Variants in CPO observed in about 807,000 individuals in gnomAD.
CPO encodes metallocarboxypeptidase C.
In CPO, 43 loss-of-function variants were observed where a neutral mutation model predicts 41.2. The observed-to-expected ratio is 1.04, with a 90% CI of 0.82 to 1.35. The LOEUF is 1.35. Among genes scored for constraint, CPO ranks in the 40% most tolerant of loss-of-function variants. The pLI, the probability that CPO is intolerant of heterozygous loss-of-function variation, is 0.00. For synonymous variants in CPO, 178 were observed against 162.7 expected, an observed-to-expected ratio of 1.09 and a Z score of -0.72; for missense variants, 408 against 451.7, an observed-to-expected ratio of 0.90 and a Z score of 0.88.
intron 1 of CPO, 44 bp from the exon 2 acceptor site, chr2:206,949,573 C>A: frequency 1.4e-6 from 2 of 1,417,724 alleles, no homozygotes; most frequent in South Asian, 1.2e-5. Flanking sequence ...TCAGGATATC[C>A]CAGTTTCACC....
Position 206,969,453 on chromosome 2 carries a change from C to G in CPO, c.*17C>G, listed in dbSNP as rs751328465. Reference sequence around the variant, plus strand: ...CTTCTCTAAGTGCATTCTGCCCAGGCCTGCTCAACCCCAGTGGCATGAGTG... The same window carrying G: ...CTTCTCTAAGTGCATTCTGCCCAGGGCTGCTCAACCCCAGTGGCATGAGTG... On this transcript the variant is annotated 3_prime_UTR_variant, in exon 9 of 9. Coordinates refer to ENST00000272852, the MANE Select transcript of CPO (RefSeq NM_173077.3). 22 of 1,612,126 alleles carry G rather than the reference C, an allele frequency of 1.4e-5. No homozygotes were observed. The highest frequency in any genetic ancestry group is 5.5e-5 in the South Asian group (5 of 91,016).
rs574093049 is a variant in CPO at position 206,956,550 on chromosome 2, G to A, written c.267+986G>A. ...TCTATTTTAACAAGGCTTCTTCCAG[G>A]TGATTCTGATACACATTCAAGTTTC... On this transcript the variant is annotated intron_variant, in intron 3 of 8. Coordinates refer to ENST00000272852, the MANE Select transcript of CPO (RefSeq NM_173077.3). Among the ~76,000 whole-genome samples the A allele has an allele frequency of 2.0e-5, 3 of 152,248 alleles. 1 individual carries two copies. Among genetic ancestry groups the A allele is most frequent in the African/African-American group, 7.2e-5 (3 of 41,542 alleles).
intron 2 of CPO, among the ~76,000 whole-genome samples, chr2:206,951,729 C>T (rs1368515195): frequency 6.6e-6 from 1 of 152,206 alleles, no homozygotes; most frequent in Admixed American, 6.5e-5. Flanking sequence ...GACACTTAAA[C>T]TTTTTAATCC....
intron 1 of CPO, among the ~76,000 whole-genome samples, chr2:206,947,259 A>G (rs1399278593): frequency 6.6e-6 from 1 of 152,208 alleles, no homozygotes; most frequent in Non-Finnish European, 1.5e-5. Flanking sequence ...GATCCCATAA[A>G]TAAACCTACA....
At chr2:206,952,019 T>C (rs920862591) in intron 2 of CPO, among the ~76,000 whole-genome samples, 3 of 152,232 alleles carry the variant, frequency 2.0e-5, no homozygotes, top group Non-Finnish European at 2.9e-5. Context: ...TAAGTATTAC[T>C]ACTGTTATAA....
intron 2 of CPO, among the ~76,000 whole-genome samples, chr2:206,954,928 G>A (rs1465707623): frequency 1.3e-5 from 2 of 152,102 alleles, no homozygotes; most frequent in African/African-American, 2.4e-5. Flanking sequence ...AGAACAGCAT[G>A]GGAAAAGCCC....
chr2:206,943,717 TGATGGATAGATGATA>T (rs1252343665), intron 1 of CPO, among the ~76,000 whole-genome samples: 1 of 68,808 alleles, frequency 1.5e-5, no homozygotes, highest in Admixed American at 1.3e-4. Flanking sequence ...GATAGATAGA[TGATGGATAGATGATA>T]GATAGATAGA....
intron 7 of CPO, among the ~76,000 whole-genome samples, chr2:206,963,788 G>C (rs912816101): frequency 6.7e-6 from 1 of 150,120 alleles, no homozygotes; most frequent in East Asian, 2.0e-4. Flanking sequence ...TGGCTATTAC[G>C]AACAATGCTG....
chr2:206,959,423 A>C (rs571068522), intron 4 of CPO, among the ~76,000 whole-genome samples: 1 of 152,284 alleles, frequency 6.6e-6, no homozygotes, highest in South Asian at 2.1e-4. Context: ...GGATGCCAGC[A>C]ATCTGTGTCT....
At chr2:206,957,863 G>T (rs956405448) in intron 3 of CPO, among the ~76,000 whole-genome samples, 2 of 152,210 alleles carry the variant, frequency 1.3e-5, no homozygotes, top group Non-Finnish European at 2.9e-5. Flanking sequence ...TTTGAGTGGA[G>T]ATTGGGATTC....
At chr2:206,948,176 G>A (rs1693181737) in intron 1 of CPO, among the ~76,000 whole-genome samples, 1 of 152,160 alleles carries the variant, frequency 6.6e-6, no homozygotes, top group South Asian at 2.1e-4. Context: ...AGCAACCAGG[G>A]TGTTCTTCAG....
chr2:206,949,593 C>T (rs1693211377), intron 1 of CPO, 24 bp from the exon 2 acceptor site: 1 of 1,574,928 alleles, frequency 6.3e-7, no homozygotes, highest in Non-Finnish European at 8.7e-7. Flanking sequence ...CACTGCTTTT[C>T]CTCTTACTTT....
In CPO at chr2:206,969,148, C is replaced by T. The variant is rs767358577; in HGVS notation, c.863-26C>T. The T allele has an allele frequency of 2.2e-5, 36 of 1,610,334 alleles. 1 individual carries two copies. The highest frequency in any genetic ancestry group is 1.7e-4 in the Middle Eastern group (1 of 6,040). On this transcript the variant is annotated intron_variant, in intron 8 of 8. Coordinates refer to ENST00000272852, the MANE Select transcript of CPO (RefSeq NM_173077.3). The stretch of plus-strand genomic sequence containing the variant: ...CATTCTTCCAAAGTATGACTTCTAC[C>T]TCTGCCTTCATGTTTTCACCTGTAG...
intron 1 of CPO, among the ~76,000 whole-genome samples, chr2:206,943,943 T>C (rs1438302324): frequency 1.3e-5 from 2 of 152,142 alleles, no homozygotes; most frequent in Non-Finnish European, 1.5e-5. Context: ...ATTTAATTGA[T>C]AGTTAATCAG....
chr2:206,942,344 CT>C (rs1693045474), intron 1 of CPO, among the ~76,000 whole-genome samples: 1 of 152,112 alleles, frequency 6.6e-6, no homozygotes, highest in African/African-American at 2.4e-5. Context: ...ATTGATAATT[CT>C]TCTCTTTTCT....
At chr2:206,944,657 T>G (rs1052289416) in intron 1 of CPO, among the ~76,000 whole-genome samples, 1 of 152,052 alleles carries the variant, frequency 6.6e-6, no homozygotes, top group Non-Finnish European at 1.5e-5. Context: ...GCAAACTTCA[T>G]TGAACAATGT....
intron 8 of CPO, 81 bp from the exon 9 acceptor site, chr2:206,969,093 C>A (rs1186207713): frequency 6.5e-6 from 9 of 1,386,062 alleles, no homozygotes; most frequent in South Asian, 1.2e-5. Flanking sequence ...ACTAAGTGAA[C>A]CTTTAGTTCC....
intron 7 of CPO, among the ~76,000 whole-genome samples, 186 bp downstream of exon 7, chr2:206,962,800 C>G (rs1177754716): frequency 6.6e-6 from 1 of 152,196 alleles, no homozygotes; most frequent in African/African-American, 2.4e-5. Context: ...TTAAATGCTG[C>G]TTTACCTACA....
chr2:206,968,464 T>C, intron 8 of CPO, 117 bp downstream of exon 8: 1 of 671,570 alleles, frequency 1.5e-6, no homozygotes, highest in Admixed American at 2.4e-5. Flanking sequence ...AACAGGGAGT[T>C]GTACAAATCA....
Sources: gnomAD v4.1 joint callset for allele counts (sites outside exome capture counted in the v4.1 genomes callset) on GRCh38, gnomAD v4.1.1 for gene constraint, MANE v1.5 for transcripts, NCBI Gene and HGNC (gene_info 2026-07-23, HGNC 2026-07-21) for gene names.